Variants in SLC6A5 observed in about 807,000 individuals in gnomAD.
SLC6A5 encodes the protein sodium- and chloride-dependent glycine transporter 2.
SLC6A5 carries 58 observed loss-of-function variants against 90.5 expected under a neutral mutation model. The ratio of observed to expected loss-of-function variants is 0.64; its 90% CI spans 0.52 to 0.80. The LOEUF is 0.80. Among genes scored for constraint, SLC6A5 ranks in the 30% least tolerant of loss-of-function variants. SLC6A5 has a pLI of 0.00. For synonymous variants in SLC6A5, 427 were observed against 401.4 expected (o/e 1.06, Z -0.76); for missense variants, 1,015 against 1,017.6 (o/e 1.00, Z 0.03).
At chr11:20,641,738 TGTGA>T (rs1853318382) in intron 13 of SLC6A5, among the ~76,000 whole-genome samples, 1 of 152,090 alleles carries the variant, frequency 6.6e-6, no homozygotes, top group Non-Finnish European at 1.5e-5. Context: ...GGTAAATGTG[TGTGA>T]GTATGTCATG....
At chr11:20,601,073 G>C in intron 1 of SLC6A5, 56 bp from the exon 2 acceptor site, 1 of 1,530,074 alleles carries the variant, frequency 6.5e-7, no homozygotes, top group South Asian at 1.2e-5. Context: ...CTAGATACAG[G>C]TATTTTAAAA....
At chr11:20,644,928 C>G (rs1466558126) in intron 13 of SLC6A5, among the ~76,000 whole-genome samples, 1 of 151,902 alleles carries the variant, frequency 6.6e-6, no homozygotes, top group African/African-American at 2.4e-5. Flanking sequence ...TCTTCTGCCT[C>G]GGGCTCCCAA....
At chr11:20,601,738 G>C in intron 2 of SLC6A5, 73 bp downstream of exon 2, 1 of 1,503,898 alleles carries the variant, frequency 6.6e-7, no homozygotes, top group Non-Finnish European at 9.1e-7. Context: ...CCGGGCCGTG[G>C]CGGGTGCACG....
chr11:20,603,691 T>A (rs1852520688), intron 2 of SLC6A5, among the ~76,000 whole-genome samples: 3 of 152,220 alleles, frequency 2.0e-5, no homozygotes, highest in Admixed American at 2.0e-4. Flanking sequence ...TTAAATTAGT[T>A]GACCAGGCAG....
chr11:20,644,135 A>G (rs892530886), intron 13 of SLC6A5, among the ~76,000 whole-genome samples: 16 of 152,216 alleles, frequency 1.1e-4, no homozygotes, highest in South Asian at 1.0e-3. Context: ...ACAATGTGGA[A>G]CAATTGAATC....
chr11:20,633,573 T>A (rs1853146412), intron 10 of SLC6A5, among the ~76,000 whole-genome samples: 1 of 152,214 alleles, frequency 6.6e-6, no homozygotes, highest in African/African-American at 2.4e-5. Flanking sequence ...AGTGGCACTC[T>A]AGGATAAAGG....
At chr11:20,624,980 A>G (rs1852964996) in intron 7 of SLC6A5, among the ~76,000 whole-genome samples, 1 of 152,196 alleles carries the variant, frequency 6.6e-6, no homozygotes, top group Admixed American at 6.5e-5. Context: ...AGGTGTGGAC[A>G]CTGAGGGTCA....
chr11:20,613,232 G>T (rs527604241), intron 5 of SLC6A5, among the ~76,000 whole-genome samples: 6 of 152,278 alleles, frequency 3.9e-5, no homozygotes, highest in African/African-American at 2.4e-5. Context: ...CTTCTCATAG[G>T]GGGTGGTGTG....
chr11:20,611,526 A>ATC (rs1194077648), intron 5 of SLC6A5, among the ~76,000 whole-genome samples: 1 of 152,264 alleles, frequency 6.6e-6, no homozygotes, highest in East Asian at 1.9e-4. Context: ...GCTTTTCTTC[A>ATC]TCTCTCTGTC....
Position 20,654,964 on chromosome 11 carries a change from T to C in SLC6A5, c.*96T>C, listed in dbSNP as rs1853615827. ...CTCTCCTCCCATTTTTCTTCATCTT[T>C]CTTCCTACATCTTGGTTCACATCCA... is the stretch of plus-strand genomic sequence containing the variant. On this transcript the variant is annotated 3_prime_UTR_variant, in exon 16 of 16. Transcript: ENST00000525748. 4.8e-6 allele frequency: 6 copies of C among 1,262,552 alleles called. No homozygotes were observed. The highest frequency in any genetic ancestry group is 1.7e-5 in the Admixed American group (1 of 59,522). The allele number at this position is 1,262,552 out of a possible 1,614,324, so 78.2% of individuals were successfully genotyped here. A position where few individuals can be genotyped will look rare whatever the true frequency, so the allele number is the denominator to read the frequency against.
chr11:20,623,674 C>T (rs1164249685), intron 7 of SLC6A5, among the ~76,000 whole-genome samples: 1 of 152,112 alleles, frequency 6.6e-6, no homozygotes, highest in Non-Finnish European at 1.5e-5. Flanking sequence ...CCTACTCCCA[C>T]CTTGCCGATC....
chr11:20,601,877 G>A (rs1430954683), intron 2 of SLC6A5, among the ~76,000 whole-genome samples: 1 of 152,222 alleles, frequency 6.6e-6, no homozygotes, highest in Non-Finnish European at 1.5e-5. Flanking sequence ...CCCTGCCAGA[G>A]GGGCCACGAC....
chr11:20,635,974 T>C (rs74363099), intron 10 of SLC6A5, among the ~76,000 whole-genome samples: 5,400 of 152,290 alleles, frequency 0.035, 140 homozygotes, highest in Middle Eastern at 0.071. Flanking sequence ...TACATTTTCC[T>C]TTAATTCATC....
intron 13 of SLC6A5, among the ~76,000 whole-genome samples, chr11:20,646,498 A>C (rs1454525131): frequency 1.3e-5 from 2 of 152,242 alleles, no homozygotes; most frequent in Admixed American, 6.5e-5. Context: ...TAAGCACCTC[A>C]GAAAACAGCT....
chr11:20,643,544 A>G (rs956648315), intron 13 of SLC6A5, among the ~76,000 whole-genome samples: 27 of 152,286 alleles, frequency 1.8e-4, no homozygotes, highest in Middle Eastern at 3.4e-3. Flanking sequence ...AGTCTCCCCA[A>G]TAAACAACAG....
At position 20,608,832 on chromosome 11, in the gene SLC6A5, T is replaced by G. The variant is rs369715828; in HGVS notation, c.985+1180T>G. On this transcript the variant is annotated intron_variant, in intron 5 of 15. Coordinates refer to ENST00000525748, the MANE Select transcript of SLC6A5 (RefSeq NM_004211.5). ...TATTAAGGGCAAAAATATGAATTCT[T>G]CCCTCTCGCAGACCCAGAGAGATGA... Among the ~76,000 whole-genome samples, 9 of 152,222 alleles carry G rather than the reference T, an allele frequency of 5.9e-5. No individual in the cohort carries two copies. In the East Asian group the frequency reaches 1.7e-3, roughly 29 times the overall value.
intron 5 of SLC6A5, among the ~76,000 whole-genome samples, chr11:20,609,697 G>C (rs115020031): frequency 0.011 from 1,690 of 152,316 alleles, 32 homozygotes; most frequent in African/African-American, 0.039. Flanking sequence ...TCCCAGGAGA[G>C]AGGGGCTGAA....
intron 13 of SLC6A5, among the ~76,000 whole-genome samples, chr11:20,639,724 G>A (rs1316950531): frequency 1.3e-5 from 2 of 152,122 alleles, no homozygotes; most frequent in African/African-American, 4.8e-5. Context: ...AATCAAGATG[G>A]AAAAAGAAAC....
intron 5 of SLC6A5, among the ~76,000 whole-genome samples, chr11:20,609,421 G>T (rs1404870037): frequency 6.6e-6 from 1 of 152,028 alleles, no homozygotes; most frequent in African/African-American, 2.4e-5. Context: ...CCTTGCAGGT[G>T]TATTGGTCCT....
Sources: allele counts gnomAD v4.1 joint callset (sites outside exome capture counted in the v4.1 genomes callset), GRCh38; gene constraint gnomAD v4.1.1; transcripts MANE v1.5; gene names NCBI Gene and HGNC (gene_info 2026-07-23, HGNC 2026-07-21).